The following RLF variants were observed in gnomAD, a reference collection of about 807,000 sequenced individuals.
RLF encodes zinc finger protein Rlf.
Under a neutral mutation model 162.9 loss-of-function variants are expected in RLF, and 7 were observed. The ratio of observed to expected loss-of-function variants is 0.04; its 90% CI spans 0.02 to 0.08. The LOEUF is 0.08. Ranked by LOEUF, RLF falls within the 10% of genes least tolerant of loss-of-function variation. The pLI is 1.00. For synonymous variants in RLF, 782 were observed against 791.5 expected (o/e 0.99, Z 0.20); for missense variants, 1,664 against 2,244.7 (o/e 0.74, Z 5.23).
At position 40,161,802 on chromosome 1, in the gene RLF, C is replaced by A. The variant is rs1311835528; in HGVS notation, c.237+166C>A. On this transcript the variant is annotated intron_variant, in intron 1 of 7. Coordinates refer to ENST00000372771, the MANE Select transcript of RLF (RefSeq NM_012421.4). This position sits in a 1 kb window ranked among gnomAD's most constrained non-coding sequence, Gnocchi z 4.4. The stretch of plus-strand genomic sequence containing the variant: ...GCTCGGAAGCTCGACCGCTGGCCCC[C>A]CTGCGCCACTGCCCGACTTTGGCCA... 6.6e-6 allele frequency among the ~76,000 whole-genome samples: 1 copy of A among 152,226 alleles called. No individual in the cohort carries two copies. Among genetic ancestry groups the A allele is most frequent in the Non-Finnish European group, 1.5e-5 (1 of 68,034 alleles).
At position 40,237,784 on chromosome 1, in the gene RLF, G is replaced by T. The variant is rs1449169460; in HGVS notation, c.3082G>T (p.Asp1028Tyr). The T allele has an allele frequency of 6.8e-6, 11 of 1,613,950 alleles. No individual in the cohort carries two copies. Among genetic ancestry groups the T allele is most frequent in the Non-Finnish European group, 9.3e-6 (11 of 1,180,010 alleles). ...TNSDSPDEGL[D>Y]HNIHIKCKRE... is the part of the protein sequence containing the mutation. ...CAGTGACTCCCCAGATGAAGGTCTA[G>T]ATCACAATATTCACATTAAATGTAA... The change falls in exon 8 of 8, where the codon GAT (aspartate) becomes TAT (tyrosine). Residue 1028 changes from aspartate to tyrosine, a missense_variant. Physicochemically the swap from Asp to Tyr is radical, Grantham distance 160 (BLOSUM62 -3). Transcript: ENST00000372771. The surrounding 1 kb of genome is among the most constrained non-coding windows in gnomAD (Gnocchi z 4.4).
intron 7 of RLF, among the ~76,000 whole-genome samples, chr1:40,233,485 C>G (rs990293414): frequency 6.6e-6 from 1 of 152,176 alleles, no homozygotes; most frequent in Non-Finnish European, 1.5e-5. Flanking sequence ...CTGACTTTCC[C>G]CAAGTCCTCT....
At chr1:40,187,846 T>A (rs1007672643) in intron 1 of RLF, among the ~76,000 whole-genome samples, 1 of 152,224 alleles carries the variant, frequency 6.6e-6, no homozygotes, top group African/African-American at 2.4e-5. Context: ...TGTAGTTATT[T>A]GTAGTTGTTT....
Position 40,231,605 on chromosome 1 carries a change from A to T in RLF, c.1036A>T (p.Ile346Leu). 1 of 1,614,144 alleles carries T rather than the reference A, an allele frequency of 6.2e-7. No individual in the cohort carries two copies. The highest frequency in any genetic ancestry group is 1.1e-5 in the South Asian group (1 of 91,074). ...GGAGCGCTGTCGTCAGTTTGGTGTC[A>T]TAGCTAAAACGCAGCAGCATTTATT... ...FLERCRQFGV[I>L]AKTQQHLFCL... Residue 346 changes from isoleucine to leucine, a missense_variant, in exon 7 of 8, where the codon ATA becomes TTA. Physicochemically the swap from Ile to Leu is conservative, Grantham distance 5. Coordinates refer to ENST00000372771, the MANE Select transcript of RLF (RefSeq NM_012421.4).
intron 7 of RLF, 51 bp downstream of exon 7, chr1:40,231,709 G>C: frequency 6.6e-7 from 1 of 1,511,678 alleles, no homozygotes; most frequent in Non-Finnish European, 9.0e-7. Flanking sequence ...AAAGAAATGA[G>C]TGGGAAGATA....
chr1:40,237,488 A>T lies in RLF; in HGVS notation c.2786A>T (p.Asn929Ile). 1 of 1,614,112 alleles carries T rather than the reference A, an allele frequency of 6.2e-7. No homozygotes were observed. Among genetic ancestry groups the T allele is most frequent in the Non-Finnish European group, 8.5e-7 (1 of 1,180,008 alleles). The stretch of plus-strand genomic sequence containing the variant: ...ACTATGCAGGATGTATTGTTATCTA[A>T]TGAGAAAGTCTTTGGGCCCTCCAGT... ...SETMQDVLLSNEKVFGPSSLK... is the reference protein window; with the variant it reads ...SETMQDVLLSIEKVFGPSSLK... Residue 929 changes from asparagine to isoleucine, a missense_variant, in exon 8 of 8, where the codon AAT becomes ATT. By Grantham distance (149) the Asn-to-Ile change is moderately radical. This residue lies in a region of RLF where 295 missense variants were observed against 317.4 expected (regional missense o/e 0.93). Transcript: ENST00000372771. This position sits in a 1 kb window ranked among gnomAD's most constrained non-coding sequence, Gnocchi z 4.4.
intron 7 of RLF, among the ~76,000 whole-genome samples, chr1:40,233,078 G>C (rs1643173205): frequency 6.8e-6 from 1 of 147,708 alleles, no homozygotes; most frequent in Non-Finnish European, 1.5e-5. Context: ...CTGGGCGACA[G>C]AGTGAGACTC....
intron 6 of RLF, among the ~76,000 whole-genome samples, chr1:40,227,981 G>T (rs7511982): frequency 3.6e-4 from 55 of 151,684 alleles, no homozygotes; most frequent in African/African-American, 9.2e-4. Context: ...CCAGCCTGAG[G>T]GACAGAGCAA....
intron 5 of RLF, among the ~76,000 whole-genome samples, chr1:40,215,353 G>A (rs1642912342): frequency 6.6e-6 from 1 of 152,128 alleles, no homozygotes; most frequent in African/African-American, 2.4e-5. Context: ...AATGCACATG[G>A]TCTATTCTCC....
chr1:40,191,081 A>G (rs1172361656), intron 3 of RLF, among the ~76,000 whole-genome samples: 2 of 152,224 alleles, frequency 1.3e-5, no homozygotes, highest in African/African-American at 4.8e-5. Context: ...AAAAAGTTTC[A>G]TTATTCAAAC....
At chr1:40,223,930 C>G (rs1337116701) in intron 6 of RLF, among the ~76,000 whole-genome samples, 1 of 152,254 alleles carries the variant, frequency 6.6e-6, no homozygotes, top group Middle Eastern at 3.2e-3. Flanking sequence ...ACCACCAAAT[C>G]CACTATGCCA....
intron 3 of RLF, among the ~76,000 whole-genome samples, chr1:40,195,046 G>A (rs1304016041): frequency 6.6e-6 from 1 of 151,470 alleles, no homozygotes; most frequent in Non-Finnish European, 1.5e-5. Context: ...TTTTGGCCAC[G>A]CTGGTCTTGA....
At chr1:40,182,434 A>T (rs996190544) in intron 1 of RLF, among the ~76,000 whole-genome samples, 1 of 151,100 alleles carries the variant, frequency 6.6e-6, no homozygotes, top group African/African-American at 2.4e-5. Flanking sequence ...CTCCGTCTCT[A>T]AAAAAAAAGA....
In RLF at chr1:40,239,151, A is replaced by C; in HGVS notation, c.4449A>C (p.Ala1483=). 1 of 1,614,126 alleles carries C rather than the reference A, an allele frequency of 6.2e-7. No individual in the cohort carries two copies. The highest frequency in any genetic ancestry group is 8.5e-7 in the Non-Finnish European group (1 of 1,180,012). The change falls in exon 8 of 8, where the codon GCA becomes GCC. Residue 1483 remains alanine (A), a synonymous_variant. Coordinates refer to ENST00000372771, the MANE Select transcript of RLF (RefSeq NM_012421.4). ...ATTTGTTTAGAAGCCAGAAAGTAGC[A>C]AATGAGAGACTACTAAGGAGTGAAA... ...YDDLFRSQKV[A]NERLLRSEKV...
rs16827065 is a variant in RLF at position 40,222,507 on chromosome 1, C to A, written c.811-67C>A. On this transcript the variant is annotated intron_variant, in intron 5 of 7. Transcript: ENST00000372771. The stretch of plus-strand genomic sequence containing the variant: ...TTTTTGCCTCATTAAGAAGTTTCAC[C>A]TTATATAACAAAGTTTACTGAAAAG... 0.013 allele frequency: 19,805 copies of A among 1,530,848 alleles called. 1,272 individuals are homozygous for A. The African/African-American group carries it at 0.18, about 14-fold the overall frequency. The allele number at this position is 1,530,848 out of a possible 1,614,324, so 94.8% of individuals were successfully genotyped here.
At chr1:40,222,086 A>G (rs1055527875) in intron 5 of RLF, among the ~76,000 whole-genome samples, 1 of 152,094 alleles carries the variant, frequency 6.6e-6, no homozygotes, top group African/African-American at 2.4e-5. Context: ...TTTTCCTTCT[A>G]TGAAAAAATG....
intron 1 of RLF, among the ~76,000 whole-genome samples, chr1:40,162,793 A>C (rs540150728): frequency 2.8e-4 from 42 of 152,336 alleles, no homozygotes; most frequent in African/African-American, 1.0e-3. Context: ...TTGTGTGTAC[A>C]ACCTGCAACA....
In RLF at chr1:40,190,859, T is replaced by C. The variant is rs2124535988; in HGVS notation, c.474+6T>C. On this transcript the variant is annotated splice_donor_region_variant and intron_variant, in intron 3 of 7. Transcript: ENST00000372771. ...CATTCCTTCAGTCTCTACAGGTGAG[T>C]TGATTTTAACTCAGAAAAGTTTTCT... 1 of 1,596,380 alleles carries C rather than the reference T, an allele frequency of 6.3e-7. No homozygotes were observed. The highest frequency in any genetic ancestry group is 8.5e-7 in the Non-Finnish European group (1 of 1,169,772).
At chr1:40,179,100 G>A (rs1350236962) in intron 1 of RLF, among the ~76,000 whole-genome samples, 1 of 152,214 alleles carries the variant, frequency 6.6e-6, no homozygotes, top group African/African-American at 2.4e-5. Context: ...CTCCCAAAAT[G>A]CTGGGATTAC....
Sources: gnomAD v4.1 joint callset for allele counts (sites outside exome capture counted in the v4.1 genomes callset) on GRCh38, gnomAD v4.1.1 for gene constraint, gnomAD v4.1.1 regional missense constraint, Gnocchi (gnomAD v3.1) non-coding constraint, MANE v1.5 for transcripts, NCBI Gene and HGNC (gene_info 2026-07-23, HGNC 2026-07-21) for gene names.